The following SMARCA2 variants were observed in gnomAD, a reference collection of about 807,000 sequenced individuals.
SMARCA2 encodes SWI/SNF-related matrix-associated actin-dependent regulator of chromatin subfamily A member 2.
Under a neutral mutation model 199.8 loss-of-function variants are expected in SMARCA2, and 61 were observed. That is an observed-to-expected ratio of 0.31 (90% CI 0.25 to 0.38). SMARCA2 has a LOEUF of 0.38. Among genes scored for constraint, SMARCA2 ranks in the 10% least tolerant of loss-of-function variants. The pLI is 1.00. For synonymous variants in SMARCA2, 935 were observed against 732.0 expected, an observed-to-expected ratio of 1.28 and a Z score of -4.48; for missense variants, 1,344 against 2,012.2, an observed-to-expected ratio of 0.67 and a Z score of 6.35.
intron 1 of SMARCA2, among the ~76,000 whole-genome samples, chr9:2,027,551 C>T (rs1245142982): frequency 6.6e-6 from 1 of 152,136 alleles, no homozygotes; most frequent in Non-Finnish European, 1.5e-5. Flanking sequence ...TGAGCTATGA[C>T]TATATGCTGG....
intron 19 of SMARCA2, among the ~76,000 whole-genome samples, chr9:2,090,355 AT>A (rs1821999390): frequency 6.6e-6 from 1 of 152,192 alleles, no homozygotes; most frequent in African/African-American, 2.4e-5. Context: ...CTTTAGAGGT[AT>A]CTGTACCTTT....
In SMARCA2 at chr9:2,126,135, C is replaced by T. The variant is rs544580181; in HGVS notation, c.3981+2198C>T. ...GAGAGCATTTCTCTTTTTAGCGCAT[C>T]TAGTAAACTTCCTTTTATCTACAAC... On this transcript the variant is annotated intron_variant, in intron 27 of 33. Coordinates refer to ENST00000349721, the MANE Select transcript of SMARCA2 (RefSeq NM_003070.5). Among the ~76,000 whole-genome samples the T allele has an allele frequency of 1.1e-3, 170 of 152,288 alleles. 2 individuals are homozygous for T. In the South Asian group the frequency reaches 0.016, roughly 14 times the overall value.
chr9:2,028,676 A>C, intron 1 of SMARCA2, among the ~76,000 whole-genome samples: 1 of 152,218 alleles, frequency 6.6e-6, no homozygotes, highest in Non-Finnish European at 1.5e-5. Context: ...TTCAGTAATA[A>C]ATTTCAAACT....
At chr9:2,096,591 C>T in intron 19 of SMARCA2, 66 bp from the exon 20 acceptor site, 1 of 941,026 alleles carries the variant, frequency 1.1e-6, no homozygotes, top group Non-Finnish European at 1.8e-6. Flanking sequence ...ACTGACTCAG[C>T]AGTCTTCTTA....
At chr9:2,141,052 G>A (rs60388982) in intron 27 of SMARCA2, among the ~76,000 whole-genome samples, 17,889 of 152,020 alleles carry the variant, frequency 0.12, 1,212 homozygotes, top group East Asian at 0.3. Flanking sequence ...CACCTCTCAT[G>A]TAGTCAATGC....
At chr9:2,165,596 A>G (rs187163680) in intron 28 of SMARCA2, among the ~76,000 whole-genome samples, 2 of 152,272 alleles carry the variant, frequency 1.3e-5, no homozygotes, top group East Asian at 3.9e-4. Flanking sequence ...CTTTGTTTTG[A>G]CTTGTTAAGC....
chr9:2,036,870 A>G (rs1025581551), intron 3 of SMARCA2, among the ~76,000 whole-genome samples: 1 of 152,202 alleles, frequency 6.6e-6, no homozygotes, highest in Admixed American at 6.5e-5. Flanking sequence ...TAAAAGAGTG[A>G]TTTAAGAAAT....
rs536121648 is a variant in SMARCA2, at chr9:2,109,640, G to A, written c.3293-614G>A. On this transcript the variant is annotated intron_variant, in intron 23 of 33. Coordinates refer to ENST00000349721, the MANE Select transcript of SMARCA2 (RefSeq NM_003070.5). ...GACTAAGAGATTTCTTGTGGGGGGG[G>A]TGGGGATTATTGTGGCTTTAAGTCT... 2.7e-5 allele frequency among the ~76,000 whole-genome samples: 4 copies of A among 150,468 alleles called. No homozygotes were observed. The East Asian group carries it at 5.9e-4, about 22-fold the overall frequency.
rs752079008 is a variant in SMARCA2, at chr9:2,096,710, C to T, written c.2937C>T (p.Arg979=). 5 of 1,613,748 alleles carry T rather than the reference C, an allele frequency of 3.1e-6. No homozygotes were observed. The African/African-American group carries it at 4.0e-5, about 13-fold the overall frequency. The stretch of plus-strand genomic sequence containing the variant: ...CAGCTCTGCAGAAGATTCTGTATCG[C>T]CATATGCAAGCCAAGGGGATCCTTC... ...DMSALQKILY[R]HMQAKGILLT... The change falls in exon 20 of 34, where the codon CGC becomes CGT. Residue 979 remains arginine (R), a synonymous_variant. Coordinates refer to ENST00000349721, the MANE Select transcript of SMARCA2 (RefSeq NM_003070.5).
intron 13 of SMARCA2, 140 bp from the exon 14 acceptor site, chr9:2,077,489 A>T: frequency 1.4e-6 from 1 of 738,104 alleles, no homozygotes; most frequent in Non-Finnish European, 2.3e-6. Flanking sequence ...AGTGTATATT[A>T]ACTGCATGGC....
chr9:2,051,331 A>G (rs1232334451), intron 5 of SMARCA2, among the ~76,000 whole-genome samples: 2 of 152,054 alleles, frequency 1.3e-5, no homozygotes, highest in Non-Finnish European at 2.9e-5. Flanking sequence ...AGGGAATCAG[A>G]TTCACTGACA....
chr9:2,046,546 A>G (rs1042294880), intron 4 of SMARCA2, among the ~76,000 whole-genome samples: 5 of 152,212 alleles, frequency 3.3e-5, no homozygotes, highest in African/African-American at 7.2e-5. Context: ...AACCTGAAAT[A>G]TGCTTTATAG....
chr9:2,133,741 T>A (rs116913196), intron 27 of SMARCA2, among the ~76,000 whole-genome samples: 1,971 of 150,676 alleles, frequency 0.013, 18 homozygotes, highest in Non-Finnish European at 0.019. Flanking sequence ...TGGGGAAGAG[T>A]ACAGTTTAGG....
Position 2,077,747 on chromosome 9 carries a change from C to T in SMARCA2, c.2155C>T (p.Leu719=), listed in dbSNP as rs1442792144. 3.7e-6 allele frequency: 6 copies of T among 1,613,288 alleles called. No homozygotes were observed. Among genetic ancestry groups the T allele is most frequent in the Admixed American group, 1.7e-5 (1 of 59,920 alleles). ...GAGGGTGGAGAAACAGTCTGCCCTC[C>T]TAATTAATGGGACCCTAAAGCATTA... ...SERVEKQSAL[L]INGTLKHYQL... The change falls in exon 14 of 34, where the codon CTA becomes TTA. Residue 719 remains leucine (L), a synonymous_variant. Transcript: ENST00000349721.
chr9:2,169,854 G>T lies in SMARCA2; in HGVS notation c.4200-565G>T, dbSNP rs911174993. ...TGGTTTATTTTCATTTCCCACTAAA[G>T]ATCATGAATTCAGTGATCTCTCGAA... On this transcript the variant is annotated intron_variant, in intron 28 of 33. Transcript: ENST00000349721. The surrounding 1 kb of genome is among the most constrained non-coding windows in gnomAD (Gnocchi z 6.5). Among the ~76,000 whole-genome samples, 1 of 152,174 alleles carries T rather than the reference G, an allele frequency of 6.6e-6. No individual in the cohort carries two copies. The highest frequency in any genetic ancestry group is 2.4e-5 in the African/African-American group (1 of 41,436).
At chr9:2,177,978 A>G (rs1285836902) in intron 29 of SMARCA2, among the ~76,000 whole-genome samples, 1 of 151,832 alleles carries the variant, frequency 6.6e-6, no homozygotes, top group South Asian at 2.1e-4. Context: ...GAGTCATAGT[A>G]TAGATGTGGA....
At chr9:2,180,765 GTAGCCTGTGTTTGAAAATTACAAA>G (rs1315046779) in intron 29 of SMARCA2, among the ~76,000 whole-genome samples, 8 of 152,180 alleles carry the variant, frequency 5.3e-5, no homozygotes, top group African/African-American at 1.9e-4. Context: ...CATATGCTTT[GTAGCCTGTGTTTGAAAATTACAAA>G]AATGCTAAGC....
intron 4 of SMARCA2, chr9:2,041,953 G>A (rs1053874610): frequency 6.6e-6 from 1 of 152,136 alleles, no homozygotes; most frequent in Admixed American, 6.5e-5. Context: ...ACTAATGATG[G>A]AGAGTCGGGA....
At chr9:2,024,230 A>G (rs1322981176) in intron 1 of SMARCA2, among the ~76,000 whole-genome samples, 1 of 152,158 alleles carries the variant, frequency 6.6e-6, no homozygotes, top group East Asian at 1.9e-4. Context: ...CCTTGCTGAA[A>G]TGCTACCTTC....
Sources: gnomAD v4.1 joint callset for allele counts (sites outside exome capture counted in the v4.1 genomes callset) on GRCh38, gnomAD v4.1.1 for gene constraint, Gnocchi (gnomAD v3.1) non-coding constraint, MANE v1.5 for transcripts, NCBI Gene and HGNC (gene_info 2026-07-23, HGNC 2026-07-21) for gene names.